VWA5B1: variants seen among roughly 807,000 people sequenced by gnomAD.
VWA5B1 encodes von Willebrand factor A domain-containing protein 5B1.
VWA5B1 carries 115 observed loss-of-function variants against 118.2 expected under a neutral mutation model. The ratio of observed to expected loss-of-function variants is 0.97; its 90% CI spans 0.84 to 1.14. The LOEUF is 1.14. Ranked by LOEUF, VWA5B1 falls within the 50% of genes most tolerant of loss-of-function variation. VWA5B1 has a pLI of 0.00. For synonymous variants in VWA5B1, 682 were observed against 658.4 expected (o/e 1.04, Z -0.55); for missense variants, 1,596 against 1,603.8 (o/e 1.00, Z 0.08).
At chr1:20,342,740 C>G in intron 15 of VWA5B1, 131 bp downstream of exon 15, 1 of 1,196,314 alleles carries the variant, frequency 8.4e-7, no homozygotes, top group Non-Finnish European at 1.1e-6. Flanking sequence ...CGGCTCACCC[C>G]TCTCTGAGGA....
At chr1:20,348,136 T>G (rs2090046187) in intron 17 of VWA5B1, 109 bp from the exon 18 acceptor site, 1 of 1,058,042 alleles carries the variant, frequency 9.5e-7, no homozygotes, top group Non-Finnish European at 1.4e-6. Flanking sequence ...TTCCTGCCTT[T>G]GGATAATTGA....
At position 20,352,128 on chromosome 1, in the gene VWA5B1, G is replaced by T; in HGVS notation, c.3097G>T (p.Val1033Leu). Residue 1033 changes from valine to leucine, a missense_variant, in exon 21 of 22, where the codon GTG (valine) becomes TTG (leucine). Val to Leu is a conservative substitution (Grantham distance 32). Coordinates refer to ENST00000289815, the MANE Select transcript of VWA5B1 (RefSeq NM_001039500.3). ...GFLSKPLIKA[V>L]ESTSGNQSFD... ...CCTGAGCAAGCCACTGATCAAAGCT[G>T]TGGAGTCGACCTCCGGGAACCAGAG... The T allele has an allele frequency of 2.1e-5, 33 of 1,551,446 alleles. No individual in the cohort carries two copies. The highest frequency in any genetic ancestry group is 2.9e-5 in the Non-Finnish European group (33 of 1,146,934).
At chr1:20,291,176 GTA>G (rs57603718) in intron 1 of VWA5B1, 88 bp downstream of exon 1, 18,306 of 133,276 alleles carry the variant, frequency 0.14, 1,957 homozygotes, top group African/African-American at 0.38. Context: ...GTGTGTGTGT[GTA>G]TGTGTGTGTG....
In VWA5B1 at chr1:20,310,585, G is replaced by T; in HGVS notation, c.-17G>T. The T allele has an allele frequency of 6.6e-7, 1 of 1,520,444 alleles. No homozygotes were observed. Among genetic ancestry groups the T allele is most frequent in the Non-Finnish European group, 8.8e-7 (1 of 1,132,158 alleles). The allele number at this position is 1,520,444 out of a possible 1,614,324, so 94.2% of individuals were successfully genotyped here. A position where few individuals can be genotyped will look rare whatever the true frequency, so the allele number is the denominator to read the frequency against. On this transcript the variant is annotated 5_prime_UTR_variant, in exon 2 of 22. Transcript: ENST00000289815. ...TTCCTGTGTCTCACAGGTTCTGAAG[G>T]CTGAGTAGCCAGCGGGATGCCCGGC...
rs761887558 is a variant in VWA5B1 at position 20,354,227 on chromosome 1, G to A, written c.3612G>A (p.Glu1204=). ...VLLRHWDENL[E]FNMLCYNPNY... is the part of the protein sequence containing the mutation. Reference sequence around the variant, plus strand: ...TGCGGCACTGGGATGAGAATCTCGAGTTCAATATGCTCTGCTATAACCCGA... The same window carrying A: ...TGCGGCACTGGGATGAGAATCTCGAATTCAATATGCTCTGCTATAACCCGA... Residue 1204 remains glutamate, a synonymous_variant, in exon 22 of 22, where the codon GAG becomes GAA. Coordinates refer to ENST00000289815, the MANE Select transcript of VWA5B1 (RefSeq NM_001039500.3). 6 of 1,536,850 alleles carry A rather than the reference G, an allele frequency of 3.9e-6. No homozygotes were observed. In the South Asian group the frequency reaches 6.0e-5, roughly 15 times the overall value.
intron 19 of VWA5B1, 72 bp from the exon 20 acceptor site, chr1:20,350,785 C>A: frequency 2.1e-6 from 3 of 1,433,484 alleles, no homozygotes; most frequent in Middle Eastern, 1.9e-4. Flanking sequence ...GCCTCTGTTC[C>A]CCCAGTTGGT....
intron 21 of VWA5B1, among the ~76,000 whole-genome samples, chr1:20,353,267 T>G (rs1345273164): frequency 6.6e-6 from 1 of 152,166 alleles, no homozygotes; most frequent in Non-Finnish European, 1.5e-5. Flanking sequence ...GTCATTGAAC[T>G]GAGCCTCCAA....
At chr1:20,349,248 C>A (rs1298461070) in intron 18 of VWA5B1, 1 of 437,278 alleles carries the variant, frequency 2.3e-6, no homozygotes, top group Non-Finnish European at 4.6e-6. Flanking sequence ...CCCAGGAGAA[C>A]CAGCTCCACC....
intron 17 of VWA5B1, among the ~76,000 whole-genome samples, chr1:20,346,877 C>T (rs2090018253): frequency 1.3e-5 from 2 of 152,196 alleles, no homozygotes; most frequent in South Asian, 2.1e-4. Flanking sequence ...CACCTGTCCC[C>T]CTTTTCTTAT....
chr1:20,351,039 G>A, intron 20 of VWA5B1, 113 bp downstream of exon 20: 5 of 1,080,100 alleles, frequency 4.6e-6, no homozygotes, highest in Non-Finnish European at 6.8e-6. Context: ...TGACATTTAG[G>A]CAGGTGTCGT....
chr1:20,291,361 C>CTTTCTTTCTTTCTTTCTT (rs1444209981), intron 1 of VWA5B1, among the ~76,000 whole-genome samples: 26 of 135,600 alleles, frequency 1.9e-4, no homozygotes, highest in African/African-American at 7.5e-4. Context: ...TTCTTTCTTT[C>CTTTCTTTCTTTCTTTCTT]TCTCTCTCTC....
intron 12 of VWA5B1, 120 bp from the exon 13 acceptor site, chr1:20,336,183 T>C: frequency 1.2e-6 from 1 of 847,756 alleles, no homozygotes. Context: ...AGCTTTCCTG[T>C]TGAGCTGTTT....
At chr1:20,353,590 A>G (rs555259044) in intron 21 of VWA5B1, among the ~76,000 whole-genome samples, 167 bp from the exon 22 acceptor site, 1 of 152,182 alleles carries the variant, frequency 6.6e-6, no homozygotes, top group South Asian at 2.1e-4. Flanking sequence ...GATCTGTTTG[A>G]AGTGTCTGCA....
intron 7 of VWA5B1, 140 bp downstream of exon 7, chr1:20,319,646 T>C: frequency 7.7e-7 from 1 of 1,292,226 alleles, no homozygotes; most frequent in Non-Finnish European, 1.0e-6. Flanking sequence ...AGGCAAGAAG[T>C]GTTTCCTTCT....
chr1:20,311,574 C>A (rs1196409823), intron 2 of VWA5B1, among the ~76,000 whole-genome samples: 1 of 152,234 alleles, frequency 6.6e-6, no homozygotes, highest in African/African-American at 2.4e-5. Flanking sequence ...TGTGGAGTCA[C>A]ACTGGCCTGC....
chr1:20,339,643 A>G (rs1302003330), intron 14 of VWA5B1, among the ~76,000 whole-genome samples: 1 of 151,906 alleles, frequency 6.6e-6, no homozygotes, highest in Non-Finnish European at 1.5e-5. Context: ...CTCTCCCTAT[A>G]TGCCCCCTCC....
At chr1:20,327,129 T>A (rs971129764) in intron 8 of VWA5B1, among the ~76,000 whole-genome samples, 1 of 152,264 alleles carries the variant, frequency 6.6e-6, no homozygotes, top group Middle Eastern at 3.4e-3. Flanking sequence ...CTGCTGGGGT[T>A]ACATGGGTTA....
rs755617996 is a variant in VWA5B1, at chr1:20,342,462, C to T, written c.2164C>T (p.Gln722Ter). The change falls in exon 15 of 22, where the codon CAG becomes TAG. Residue 722 changes from glutamine to a stop codon, truncating the protein, a stop_gained. Transcript: ENST00000289815. LOFTEE classifies it high-confidence loss of function. ...GCTGAACAGTGGTCAGGACCTGAAC[C>T]AGGGCCCCAAACTCCGTGGCCCAGG... ...PLLNSGQDLN[Q>*]GPKLRGPGAR... 6.4e-7 allele frequency: 1 copy of T among 1,551,278 alleles called. No individual in the cohort carries two copies. Among genetic ancestry groups the T allele is most frequent in the South Asian group, 1.2e-5 (1 of 84,058 alleles).
In VWA5B1 at chr1:20,354,036, G is replaced by C. The variant is rs1372206305; in HGVS notation, c.3421G>C (p.Ala1141Pro). Reference protein sequence around the residue: ...AVVEHTGKLWATVVGLAWLEH... With the variant: ...AVVEHTGKLWPTVVGLAWLEH... ...GGTGGAGCACACTGGGAAGCTGTGG[G>C]CCACGGTGGTGGGGCTGGCATGGCT... is the stretch of plus-strand genomic sequence containing the variant. The change falls in exon 22 of 22, where the codon GCC (alanine) becomes CCC (proline). Residue 1141 changes from alanine to proline, a missense_variant. Coordinates refer to ENST00000289815, the MANE Select transcript of VWA5B1 (RefSeq NM_001039500.3). 25 of 1,551,550 alleles carry C rather than the reference G, an allele frequency of 1.6e-5. No individual in the cohort carries two copies. The highest frequency in any genetic ancestry group is 2.1e-5 in the Non-Finnish European group (24 of 1,147,016).
Sources: gnomAD v4.1 joint callset for allele counts (sites outside exome capture counted in the v4.1 genomes callset) on GRCh38, gnomAD v4.1.1 for gene constraint, MANE v1.5 for transcripts, NCBI Gene and HGNC (gene_info 2026-07-23, HGNC 2026-07-21) for gene names.